TMEM232: variants seen among roughly 807,000 people sequenced by gnomAD.
The protein encoded by TMEM232 is transmembrane protein 232.
TMEM232 carries 80 observed loss-of-function variants against 78.8 expected under a neutral mutation model. The ratio of observed to expected loss-of-function variants is 1.01; its 90% confidence interval spans 0.85 to 1.22. TMEM232 has a LOEUF of 1.22. TMEM232 is among the 50% of genes most tolerant of loss of function. The pLI is 0.00. For missense variants in TMEM232, 881 were observed against 742.2 expected (o/e 1.19, Z -2.17); for synonymous variants, 297 against 254.3 (o/e 1.17, Z -1.60).
intron 12 of TMEM232, among the ~76,000 whole-genome samples, chr5:110,432,017 AAATACTTGAGC>A (rs1351882453): frequency 6.6e-6 from 1 of 151,776 alleles, no homozygotes; most frequent in East Asian, 1.9e-4. Flanking sequence ...TAAAAACTTT[AAATACTTGAGC>A]TACAGTAAGT....
chr5:110,687,214 T>G (rs116499051), intron 1 of TMEM232, among the ~76,000 whole-genome samples: 1,786 of 152,242 alleles, frequency 0.012, 43 homozygotes, highest in African/African-American at 0.04. Flanking sequence ...GAACCAGGTA[T>G]AGCTAATCAA....
At chr5:110,632,343 A>G (rs1785236067) in intron 5 of TMEM232, among the ~76,000 whole-genome samples, 1 of 152,206 alleles carries the variant, frequency 6.6e-6, no homozygotes. Flanking sequence ...AACATGAAAA[A>G]AAAACAGGGA....
chr5:110,556,598 A>G (rs899450601), intron 11 of TMEM232, among the ~76,000 whole-genome samples: 27 of 152,146 alleles, frequency 1.8e-4, no homozygotes, highest in African/African-American at 6.5e-4. Context: ...ATTGTTGCCC[A>G]GGCTGGTCTT....
intron 11 of TMEM232, among the ~76,000 whole-genome samples, chr5:110,538,208 T>C (rs1369517540): frequency 1.3e-5 from 2 of 152,164 alleles, no homozygotes; most frequent in African/African-American, 4.8e-5. Context: ...TTACAAAATA[T>C]ACTACTCTGG....
Position 110,667,324 on chromosome 5 carries a change from ATAGG to A in TMEM232, c.25_28del (p.Pro9Ter), listed in dbSNP as rs1326164875. ...AGATATGCCTCCACATGTATTAATC[ATAGG>A]TGATTTGTTAACAGGCATATTCATA... On this transcript the variant is annotated frameshift_variant, in exon 2 of 14. Coordinates refer to ENST00000455884, the MANE Select transcript of TMEM232 (RefSeq NM_001039763.4). LOFTEE classifies it high-confidence loss of function. 38 of 1,533,436 alleles carry A rather than the reference ATAGG, an allele frequency of 2.5e-5. No individual in the cohort carries two copies. Among genetic ancestry groups the A allele is most frequent in the Non-Finnish European group, 2.9e-5 (33 of 1,135,980 alleles). The allele number at this position is 1,533,436 out of a possible 1,614,324, so 95.0% of individuals were successfully genotyped here.
At chr5:110,585,271 C>G (rs1287954004) in intron 10 of TMEM232, among the ~76,000 whole-genome samples, 1 of 152,058 alleles carries the variant, frequency 6.6e-6, no homozygotes, top group Non-Finnish European at 1.5e-5. Context: ...TGAACATGTA[C>G]AGGGCTAGAT....
intron 1 of TMEM232, among the ~76,000 whole-genome samples, chr5:110,672,896 C>CTATTTAAGATATTTAAG (rs1791546415): frequency 6.6e-6 from 1 of 151,988 alleles, no homozygotes; most frequent in African/African-American, 2.4e-5. Context: ...TTTTAAGATT[C>CTATTTAAGATATTTAAG]GTTTTCCAGG....
chr5:110,588,695 G>T (rs1184457527), intron 10 of TMEM232, among the ~76,000 whole-genome samples: 2 of 152,126 alleles, frequency 1.3e-5, no homozygotes, highest in African/African-American at 4.8e-5. Context: ...TGTAGTGTAA[G>T]GACAGATCTT....
intron 2 of TMEM232, among the ~76,000 whole-genome samples, chr5:110,406,078 C>A (rs1001254813): frequency 2.0e-5 from 3 of 151,898 alleles, no homozygotes; most frequent in African/African-American, 4.8e-5. Flanking sequence ...TGACTGACTT[C>A]TCATCAGAAC....
chr5:110,661,831 C>T (rs1185370941), intron 2 of TMEM232, among the ~76,000 whole-genome samples: 2 of 152,124 alleles, frequency 1.3e-5, no homozygotes, highest in Non-Finnish European at 2.9e-5. Flanking sequence ...TTCTAATAAA[C>T]GCCAGTTTAG....
chr5:110,694,459 A>G (rs2150240053), intron 1 of TMEM232, among the ~76,000 whole-genome samples: 1 of 152,322 alleles, frequency 6.6e-6, no homozygotes, highest in African/African-American at 2.4e-5. Context: ...TAACAATATT[A>G]ACCTTAAATG....
chr5:110,562,296 T>A (rs1775841643), intron 11 of TMEM232, among the ~76,000 whole-genome samples: 1 of 152,058 alleles, frequency 6.6e-6, no homozygotes, highest in African/African-American at 2.4e-5. Context: ...CCATGAATGC[T>A]CAATCCAAGC....
At position 110,619,480 on chromosome 5, in the gene TMEM232, G is replaced by A. The variant is rs187307316; in HGVS notation, c.769-918C>T. On this transcript the variant is annotated intron_variant, in intron 7 of 13. Transcript: ENST00000455884. ...ATGTCAGGAATTCCGTTAAGATTCT[G>A]GAGATAAAGACATGAGGAAGACAAC... Among the ~76,000 whole-genome samples, 11 of 152,230 alleles carry A rather than the reference G, an allele frequency of 7.2e-5. No individual in the cohort carries two copies. In the East Asian group the frequency reaches 2.1e-3, roughly 29 times the overall value.
chr5:110,513,634 C>T (rs1289427881), intron 12 of TMEM232, among the ~76,000 whole-genome samples: 1 of 151,966 alleles, frequency 6.6e-6, no homozygotes, highest in African/African-American at 2.4e-5. Flanking sequence ...ATCAAAACTA[C>T]AGGTATTAAC....
intron 12 of TMEM232, among the ~76,000 whole-genome samples, chr5:110,445,944 C>A (rs750325796): frequency 6.6e-6 from 1 of 152,090 alleles, no homozygotes; most frequent in Non-Finnish European, 1.5e-5. Context: ...TCACTTCTGC[C>A]ATATTCTATT....
At chr5:110,594,014 CAAGATGGCCGAATAGGA>C (rs1779850224) in intron 10 of TMEM232, among the ~76,000 whole-genome samples, 1 of 151,966 alleles carries the variant, frequency 6.6e-6, no homozygotes, top group South Asian at 2.1e-4. Context: ...GGGAGTCTGG[CAAGATGGCCGAATAGGA>C]ACAGCTCTGG....
chr5:110,554,159 A>G (rs373183914), intron 11 of TMEM232, among the ~76,000 whole-genome samples: 8 of 152,180 alleles, frequency 5.3e-5, no homozygotes, highest in African/African-American at 1.9e-4. Context: ...GGAGATTAAC[A>G]TTTGAGTCAG....
intron 1 of TMEM232, among the ~76,000 whole-genome samples, chr5:110,702,716 T>C (rs1197284401): frequency 6.6e-6 from 1 of 152,088 alleles, no homozygotes; most frequent in Admixed American, 6.6e-5. Flanking sequence ...TGATGGATCA[T>C]ACCTAAGGGA....
intron 2 of TMEM232, among the ~76,000 whole-genome samples, chr5:110,652,015 A>G (rs765938740): frequency 6.6e-5 from 10 of 152,132 alleles, no homozygotes; most frequent in African/African-American, 1.4e-4. Flanking sequence ...CTTGAAATGT[A>G]TAAAATGTAC....
Sources: gnomAD v4.1 joint callset for allele counts (sites outside exome capture counted in the v4.1 genomes callset) on GRCh38, gnomAD v4.1.1 for gene constraint, MANE v1.5 for transcripts, NCBI Gene and HGNC (gene_info 2026-07-23, HGNC 2026-07-21) for gene names.